FOXP1: variants seen among roughly 807,000 people sequenced by gnomAD.
The protein encoded by FOXP1 is forkhead box P1, also known as forkhead box protein P1.
In FOXP1, 15 loss-of-function variants were observed where a neutral mutation model predicts 98.2. That is an observed-to-expected ratio of 0.15 (90% confidence interval 0.10 to 0.24). The LOEUF (loss-of-function observed/expected upper bound fraction) is 0.24, where lower values mean the gene tolerates loss of function less well. Ranked by LOEUF, FOXP1 falls within the 10% of genes least tolerant of loss-of-function variation. The pLI is 1.00. For synonymous variants in FOXP1, 371 were observed against 314.5 expected, an observed-to-expected ratio of 1.18 and a Z score of -1.90; for missense variants, 633 against 848.5, an observed-to-expected ratio of 0.75 and a Z score of 3.15.
At chr3:71,159,130 T>C (rs1576110880) in intron 6 of FOXP1, among the ~76,000 whole-genome samples, 1 of 132,378 alleles carries the variant, frequency 7.6e-6, no homozygotes, top group Admixed American at 7.5e-5. Context: ...AAAAAAAAGT[T>C]GAAAAGTACT....
At chr3:71,381,832 A>T (rs1054905385) in intron 3 of FOXP1, among the ~76,000 whole-genome samples, 1 of 152,090 alleles carries the variant, frequency 6.6e-6, no homozygotes, top group African/African-American at 2.4e-5. Flanking sequence ...TTCTACCAAC[A>T]CTTATTTGTT....
chr3:71,464,231 G>A (rs574232960), intron 3 of FOXP1, among the ~76,000 whole-genome samples: 4 of 152,264 alleles, frequency 2.6e-5, no homozygotes, highest in Non-Finnish European at 4.4e-5. Context: ...AGCCATAATC[G>A]TATCACTGCA....
intron 3 of FOXP1, among the ~76,000 whole-genome samples, chr3:71,456,430 C>T (rs185119631): frequency 1.2e-3 from 185 of 152,228 alleles, no homozygotes; most frequent in Non-Finnish European, 1.9e-3. Flanking sequence ...AGACCTGATT[C>T]ACAATGTATG....
intron 4 of FOXP1, among the ~76,000 whole-genome samples, chr3:71,311,603 T>C (rs183086484): frequency 1.1e-4 from 17 of 152,312 alleles, no homozygotes; most frequent in Admixed American, 1.0e-3. Context: ...TAGATTTTAT[T>C]ATGGACACGC....
intron 5 of FOXP1, among the ~76,000 whole-genome samples, chr3:71,230,376 C>G (rs1028076034): frequency 1.3e-5 from 2 of 152,140 alleles, no homozygotes; most frequent in African/African-American, 4.8e-5. Context: ...TAGCAGAATG[C>G]CTTGGGCAGA....
intron 12 of FOXP1, among the ~76,000 whole-genome samples, chr3:71,011,868 TG>T: frequency 6.6e-6 from 1 of 152,254 alleles, no homozygotes; most frequent in Admixed American, 6.5e-5. Context: ...AGAAGAGAAA[TG>T]GGCTCTTTTA....
intron 6 of FOXP1, among the ~76,000 whole-genome samples, chr3:71,129,039 TC>T (rs966909787): frequency 2.4e-4 from 36 of 152,128 alleles, no homozygotes; most frequent in African/African-American, 8.2e-4. Context: ...GCTACTCCCT[TC>T]CCCTTCTGAT....
chr3:71,433,905 T>A (rs1201398243), intron 3 of FOXP1, among the ~76,000 whole-genome samples: 1 of 152,188 alleles, frequency 6.6e-6, no homozygotes, highest in Non-Finnish European at 1.5e-5. Context: ...CAGCCACAGA[T>A]CCATGCCAAA....
chr3:71,139,420 C>T (rs183493386), intron 6 of FOXP1, among the ~76,000 whole-genome samples: 1 of 152,016 alleles, frequency 6.6e-6, no homozygotes, highest in African/African-American at 2.4e-5. Context: ...CAGAAGCTGC[C>T]TCAATTCTTC....
At chr3:71,010,837 C>T (rs1319305020) in intron 12 of FOXP1, among the ~76,000 whole-genome samples, 12 of 145,140 alleles carry the variant, frequency 8.3e-5, no homozygotes, top group Admixed American at 1.4e-4. Context: ...CCCCCCCTCC[C>T]CCCCCACCCA....
At chr3:71,019,327 A>C (rs768167071) in intron 11 of FOXP1, among the ~76,000 whole-genome samples, 12 of 152,208 alleles carry the variant, frequency 7.9e-5, no homozygotes, top group Non-Finnish European at 1.3e-4. Flanking sequence ...CAATGTGTAA[A>C]GTATCATTTC....
intron 7 of FOXP1, among the ~76,000 whole-genome samples, chr3:71,062,017 T>C (rs905421953): frequency 6.6e-6 from 1 of 152,160 alleles, no homozygotes; most frequent in Non-Finnish European, 1.5e-5. Flanking sequence ...TGTGTGGAGG[T>C]TGGCTGAAAA....
chr3:71,037,065 T>C (rs921157964), intron 11 of FOXP1, among the ~76,000 whole-genome samples: 1 of 152,206 alleles, frequency 6.6e-6, no homozygotes, highest in Non-Finnish European at 1.5e-5. Flanking sequence ...TTAATTTCTA[T>C]TATTCGATTT....
chr3:71,228,794 A>C (rs1044781822), intron 5 of FOXP1, among the ~76,000 whole-genome samples: 6 of 152,230 alleles, frequency 3.9e-5, no homozygotes, highest in Non-Finnish European at 8.8e-5. Context: ...CTAACAGAGA[A>C]AATTGGCTGG....
At chr3:71,278,261 GT>G (rs1001528133) in intron 5 of FOXP1, among the ~76,000 whole-genome samples, 29 of 152,162 alleles carry the variant, frequency 1.9e-4, no homozygotes, top group African/African-American at 6.0e-4. Context: ...TATTATTCCT[GT>G]TTTTTACAGT....
intron 5 of FOXP1, among the ~76,000 whole-genome samples, chr3:71,274,128 C>G (rs1466422229): frequency 6.6e-6 from 1 of 152,200 alleles, no homozygotes; most frequent in Admixed American, 6.5e-5. Context: ...GACTTCCATA[C>G]TAGCACCAGT....
At chr3:70,994,565 A>G (rs1272596820) in intron 13 of FOXP1, among the ~76,000 whole-genome samples, 1 of 152,120 alleles carries the variant, frequency 6.6e-6, no homozygotes, top group Non-Finnish European at 1.5e-5. Flanking sequence ...CTGGCAGGGA[A>G]GTTAAAGGCA....
At chr3:71,106,081 T>C (rs919488505) in intron 7 of FOXP1, among the ~76,000 whole-genome samples, 3 of 152,222 alleles carry the variant, frequency 2.0e-5, no homozygotes, top group African/African-American at 7.2e-5. Flanking sequence ...ACTACCTTTG[T>C]GCTGTGTAGC....
intron 13 of FOXP1, among the ~76,000 whole-genome samples, chr3:70,991,165 T>C (rs1195375856): frequency 6.6e-6 from 1 of 152,010 alleles, no homozygotes; most frequent in African/African-American, 2.4e-5. Context: ...GAGTTTGCAG[T>C]TGGGCTAACT....
Sources: gnomAD v4.1 joint callset for allele counts (sites outside exome capture counted in the v4.1 genomes callset) on GRCh38, gnomAD v4.1.1 for gene constraint, MANE v1.5 for transcripts, NCBI Gene and HGNC (gene_info 2026-07-23, HGNC 2026-07-21) for gene names.